Variants in PHF20L1 observed in about 807,000 individuals in gnomAD.
The protein encoded by PHF20L1 is PHD finger protein 20-like protein 1.
Under a neutral mutation model 125.5 loss-of-function variants are expected in PHF20L1, and 44 were observed. The ratio of observed to expected loss-of-function variants is 0.35; its 90% CI spans 0.28 to 0.45. The LOEUF (loss-of-function observed/expected upper bound fraction) is 0.45, where lower values mean the gene tolerates loss of function less well. Among genes scored for constraint, PHF20L1 ranks in the 20% least tolerant of loss-of-function variants. The probability of loss-of-function intolerance (pLI) is 1.00; values close to 1 mark genes in which losing one functional copy is unlikely to be tolerated. For missense variants in PHF20L1, 1,012 were observed against 1,217.2 expected, an observed-to-expected ratio of 0.83 and a Z score of 2.51; for synonymous variants, 380 against 403.1, an observed-to-expected ratio of 0.94 and a Z score of 0.69.
At chr8:132,793,548 T>C in intron 2 of PHF20L1, among the ~76,000 whole-genome samples, 1 of 152,204 alleles carries the variant, frequency 6.6e-6, no homozygotes, top group Admixed American at 6.5e-5. Context: ...TGTGTGCTGC[T>C]ATTGAGTTCT....
intron 12 of PHF20L1, chr8:132,818,760 G>GATACTTTTTTGATAA (rs1172871899): frequency 2.6e-5 from 4 of 151,712 alleles, no homozygotes; most frequent in Non-Finnish European, 4.4e-5. Flanking sequence ...GACCCATTGA[G>GATACTTTTTTGATAA]ATACTTTTTT....
At chr8:132,787,171 G>A (rs980395391) in intron 2 of PHF20L1, among the ~76,000 whole-genome samples, 16 of 151,948 alleles carry the variant, frequency 1.1e-4, no homozygotes, top group African/African-American at 3.9e-4. Flanking sequence ...GTGGGAGAAG[G>A]TAGTGAGTAC....
chr8:132,775,724 C>T (rs1264554016), intron 1 of PHF20L1, 79 bp downstream of exon 1: 1 of 301,936 alleles, frequency 3.3e-6, no homozygotes, highest in African/African-American at 2.2e-5. Flanking sequence ...TCTGGTGTCT[C>T]TCTTTCCGGC....
intron 14 of PHF20L1, chr8:132,826,193 G>C (rs1836158922): frequency 6.6e-6 from 1 of 152,036 alleles, no homozygotes; most frequent in African/African-American, 2.4e-5. Context: ...ACATAGGATT[G>C]GTATGCAAAA....
chr8:132,829,330 T>G (rs1431998634), intron 14 of PHF20L1, among the ~76,000 whole-genome samples: 1 of 152,110 alleles, frequency 6.6e-6, no homozygotes, highest in African/African-American at 2.4e-5. Context: ...CTAAGCGACC[T>G]TTGACAGGTT....
At chr8:132,825,462 C>T (rs913527589) in intron 14 of PHF20L1, 91 bp downstream of exon 14, 44 of 1,042,852 alleles carry the variant, frequency 4.2e-5, no homozygotes, top group Middle Eastern at 3.4e-4. Context: ...AGTCATGACA[C>T]GATCCCCGTG....
At chr8:132,823,557 G>A (rs1266758153) in intron 12 of PHF20L1, among the ~76,000 whole-genome samples, 1 of 151,910 alleles carries the variant, frequency 6.6e-6, no homozygotes, top group Non-Finnish European at 1.5e-5. Context: ...AAATAGTGTA[G>A]TGTCAAATTA....
chr8:132,812,664 A>C, intron 9 of PHF20L1: 1 of 985,186 alleles, frequency 1.0e-6, no homozygotes, highest in Non-Finnish European at 1.2e-6. Context: ...ATGTTTTGTG[A>C]ACAAACACTT....
chr8:132,816,814 C>G (rs2131687577), intron 10 of PHF20L1, 74 bp from the exon 11 acceptor site: 1 of 948,218 alleles, frequency 1.1e-6, no homozygotes, highest in East Asian at 2.5e-5. Flanking sequence ...CATTTTTTCC[C>G]ATTTATCTCC....
intron 8 of PHF20L1, chr8:132,810,572 G>A (rs191907477): frequency 1.2e-4 from 19 of 155,784 alleles, no homozygotes; most frequent in African/African-American, 4.6e-4. Flanking sequence ...TAGATTAAAA[G>A]GATCTAAATG....
At chr8:132,795,330 T>G (rs1479602872) in intron 4 of PHF20L1, among the ~76,000 whole-genome samples, 1 of 152,152 alleles carries the variant, frequency 6.6e-6, no homozygotes, top group Non-Finnish European at 1.5e-5. Context: ...AATTTTCTAG[T>G]ATCTTTTTGT....
intron 8 of PHF20L1, chr8:132,806,993 G>T (rs917477629): frequency 6.6e-6 from 1 of 151,802 alleles, no homozygotes; most frequent in Non-Finnish European, 1.5e-5. Context: ...TTTTAAACCC[G>T]ATTTCTGTAT....
At chr8:132,800,728 G>A (rs998851267) in intron 6 of PHF20L1, among the ~76,000 whole-genome samples, 2 of 151,488 alleles carry the variant, frequency 1.3e-5, no homozygotes, top group Admixed American at 6.6e-5. Flanking sequence ...TCTTAATTCT[G>A]TTGTTTTTGA....
rs1406387612 is a variant in PHF20L1 at position 132,845,783 on chromosome 8, C to G, written c.2914C>G (p.Leu972Val). The change falls in exon 21 of 21, where the codon CTG becomes GTG. Residue 972 changes from leucine (L) to valine (V), a missense_variant and splice_region_variant. This residue lies in a region of PHF20L1 where 277 missense variants were observed against 283.6 expected (regional missense o/e 0.98). Transcript: ENST00000395386. ...MDLIEKEVDV[L>V]ESWLDFTGEL... ...GTTTATCTTCTTCTCTCTTTTAGTT[C>G]TGGAAAGCTGGCTTGATTTCACAGG... 6.2e-7 allele frequency: 1 copy of G among 1,603,940 alleles called. No homozygotes were observed. The highest frequency in any genetic ancestry group is 1.1e-5 in the South Asian group (1 of 90,796).
chr8:132,778,101 T>C (rs576617983), intron 2 of PHF20L1, among the ~76,000 whole-genome samples, 190 bp downstream of exon 2: 1 of 152,360 alleles, frequency 6.6e-6, no homozygotes, highest in African/African-American at 2.4e-5. Context: ...AAACTATTTT[T>C]AGTCAACTGA....
At chr8:132,820,657 A>G (rs917871540) in intron 12 of PHF20L1, among the ~76,000 whole-genome samples, 1 of 151,914 alleles carries the variant, frequency 6.6e-6, no homozygotes, top group Non-Finnish European at 1.5e-5. Flanking sequence ...CATCTATATG[A>G]TGAGATTATA....
intron 19 of PHF20L1, 78 bp from the exon 20 acceptor site, chr8:132,844,078 T>A: frequency 1.3e-6 from 2 of 1,573,306 alleles, no homozygotes; most frequent in Non-Finnish European, 1.7e-6. Flanking sequence ...AGTGATGAGG[T>A]GTTTCCTGTA....
intron 18 of PHF20L1, 125 bp downstream of exon 18, chr8:132,839,707 TTC>T: frequency 1.5e-6 from 1 of 657,934 alleles, no homozygotes; most frequent in African/African-American, 1.8e-5. Context: ...TGAATAAAGT[TTC>T]ATTTTTAAAA....
At chr8:132,795,707 T>C (rs1278088689) in intron 4 of PHF20L1, among the ~76,000 whole-genome samples, 1 of 152,046 alleles carries the variant, frequency 6.6e-6, no homozygotes, top group Non-Finnish European at 1.5e-5. Flanking sequence ...AGACCCCCAG[T>C]GGGTATTTGA....
Sources: allele counts gnomAD v4.1 joint callset (sites outside exome capture counted in the v4.1 genomes callset), GRCh38; gene constraint gnomAD v4.1.1; regional missense constraint gnomAD v4.1.1; transcripts MANE v1.5; gene names NCBI Gene and HGNC (gene_info 2026-07-23, HGNC 2026-07-21).